ZIC2: variants seen among roughly 807,000 people sequenced by gnomAD.
The protein encoded by ZIC2 is zinc finger protein ZIC 2.
ZIC2 carries 7 observed loss-of-function variants against 29.5 expected under a neutral mutation model. The ratio of observed to expected loss-of-function variants is 0.24; its 90% CI spans 0.14 to 0.45. ZIC2 has a LOEUF of 0.45. Ranked by LOEUF, ZIC2 falls within the 20% of genes least tolerant of loss-of-function variation. The pLI is 1.00. For synonymous variants in ZIC2, 408 were observed against 354.2 expected (o/e 1.15, Z -1.70); for missense variants, 589 against 781.2 (o/e 0.75, Z 2.93).
At chr13:99,984,742 A>G in intron 1 of ZIC2, 1 of 606,134 alleles carries the variant, frequency 1.6e-6, no homozygotes, top group Admixed American at 2.9e-5. Flanking sequence ...AAGAAAGTAA[A>G]ATACGAAATA....
rs1340604924 is a variant in ZIC2, at chr13:99,982,388, C to T, written c.324C>T (p.Tyr108=). 2.0e-6 allele frequency: 3 copies of T among 1,481,100 alleles called. No individual in the cohort carries two copies. The highest frequency in any genetic ancestry group is 5.8e-5 in the East Asian group (2 of 34,292). 91.7% of individuals were successfully genotyped at this position (1,481,100 alleles called of 1,614,324 possible). A position where few individuals can be genotyped will look rare whatever the true frequency, so the allele number is the denominator to read the frequency against. ...LGPHAAHVGS[Y]SGPPFNSTRD... ...CCCACGCCGCGCACGTTGGCTCCTA[C>T]TCTGGGCCGCCCTTCAACTCCACCC... Residue 108 remains tyrosine, a synonymous_variant, in exon 1 of 3, where the codon TAC becomes TAT. Transcript: ENST00000376335.
Position 99,985,646 on chromosome 13 carries a change from C to T in ZIC2, c.1563C>T (p.Ser521=). ...GCAGCGGGACAGCCGGGGGTCACAG[C>T]GGCCTCTCCTCCAACTTCAATGAAT... ...GGGSGTAGGH[S]GLSSNFNEWY... The change falls in exon 3 of 3, where the codon AGC becomes AGT. Residue 521 remains serine (S), a synonymous_variant. Coordinates refer to ENST00000376335, the MANE Select transcript of ZIC2 (RefSeq NM_007129.5). The surrounding 1 kb of genome is among the most constrained non-coding windows in gnomAD (Gnocchi z 6.3). 7.7e-7 allele frequency: 1 copy of T among 1,297,448 alleles called. No individual in the cohort carries two copies. Among genetic ancestry groups the T allele is most frequent in the Non-Finnish European group, 1.0e-6 (1 of 1,001,752 alleles). 80.4% of individuals were successfully genotyped at this position (1,297,448 alleles called of 1,614,324 possible). A position where few individuals can be genotyped will look rare whatever the true frequency, so the allele number is the denominator to read the frequency against.
chr13:99,983,180 A>AC lies in ZIC2; in HGVS notation c.1075+42dup. ...GACAGGGACCAGGCGCGGAGGGGAG[A>AC]CACGCACAGGCTGAGACTCAGGCTG... On this transcript the variant is annotated intron_variant, in intron 1 of 2. Coordinates refer to ENST00000376335, the MANE Select transcript of ZIC2 (RefSeq NM_007129.5). This position sits in a 1 kb window ranked among gnomAD's most constrained non-coding sequence, Gnocchi z 4.7. 6.2e-7 allele frequency: 1 copy of AC among 1,606,504 alleles called. No individual in the cohort carries two copies. Among genetic ancestry groups the AC allele is most frequent in the South Asian group, 1.1e-5 (1 of 90,364 alleles).
Position 99,985,397 on chromosome 13 carries a change from G to A in ZIC2, c.1314G>A (p.Pro438=), listed in dbSNP as rs762579383. The A allele has an allele frequency of 1.1e-5, 17 of 1,596,492 alleles. No homozygotes were observed. Among genetic ancestry groups the A allele is most frequent in the Admixed American group, 1.7e-5 (1 of 59,894 alleles). The change falls in exon 3 of 3, where the codon CCG becomes CCA. Residue 438 remains proline, a synonymous_variant. Coordinates refer to ENST00000376335, the MANE Select transcript of ZIC2 (RefSeq NM_007129.5). This position sits in a 1 kb window ranked among gnomAD's most constrained non-coding sequence, Gnocchi z 6.3. ...ASSGYESSTP[P]GLVSPSAEPQ... ...CCGGCTATGAGTCGTCCACGCCCCC[G>A]GGGCTGGTGTCCCCCAGCGCCGAGC...
Position 99,982,683 on chromosome 13 carries a change from G to A in ZIC2, c.619G>A (p.Ala207Thr), listed in dbSNP as rs578235741. The stretch of plus-strand genomic sequence containing the variant: ...CAGCCCGCGGACCGACCCCTACTCG[G>A]CGGCGCAACTCCACAACCAGTACGG... ...VASPRTDPYS[A>T]AQLHNQYGPM... Residue 207 changes from alanine (A) to threonine (T), a missense_variant, in exon 1 of 3, where the codon GCG (alanine) becomes ACG (threonine). Physicochemically the swap from Ala to Thr is moderately conservative, Grantham distance 58. Around this residue, in one of 7 missense-constraint regions of ZIC2, gnomAD observed 358 missense variants for 382.0 expected, o/e 0.94. Transcript: ENST00000376335. The A allele has an allele frequency of 5.6e-6, 9 of 1,600,490 alleles. No homozygotes were observed. In the East Asian group the frequency reaches 2.0e-4, roughly 36 times the overall value.
In ZIC2 at chr13:99,982,681, C is replaced by T; in HGVS notation, c.617C>T (p.Ser206Leu). The change falls in exon 1 of 3, where the codon TCG (serine) becomes TTG (leucine). Residue 206 changes from serine (S) to leucine (L), a missense_variant. Physicochemically the swap from Ser to Leu is moderately radical, Grantham distance 145. Around this residue, in one of 7 missense-constraint regions of ZIC2, gnomAD observed 358 missense variants for 382.0 expected, o/e 0.94. Coordinates refer to ENST00000376335, the MANE Select transcript of ZIC2 (RefSeq NM_007129.5). ...GCCAGCCCGCGGACCGACCCCTACT[C>T]GGCGGCGCAACTCCACAACCAGTAC... The part of the protein sequence containing the change: ...QVASPRTDPY[S>L]AAQLHNQYGP... 1 of 1,600,432 alleles carries T rather than the reference C, an allele frequency of 6.2e-7. No homozygotes were observed. The highest frequency in any genetic ancestry group is 8.5e-7 in the Non-Finnish European group (1 of 1,179,676).
chr13:99,982,745 A>G lies in ZIC2; in HGVS notation c.681A>G (p.Ala227=). Reference sequence around the variant, plus strand: ...TGAACATGGGTATGAACATGGCAGCAGCCGCGGCCCACCACCACCACCACC... The same window carrying G: ...TGAACATGGGTATGAACATGGCAGCGGCCGCGGCCCACCACCACCACCACC... ...MNMNMGMNMA[A]AAAHHHHHHH... Residue 227 remains alanine, a synonymous_variant, in exon 1 of 3, where the codon GCA becomes GCG. Transcript: ENST00000376335. The G allele has an allele frequency of 6.2e-7, 1 of 1,602,222 alleles. No homozygotes were observed. Among genetic ancestry groups the G allele is most frequent in the Non-Finnish European group, 8.5e-7 (1 of 1,179,842 alleles).
intron 1 of ZIC2, chr13:99,984,699 C>T (rs2053254301): frequency 3.9e-6 from 2 of 517,344 alleles, no homozygotes; most frequent in Non-Finnish European, 7.0e-6. Context: ...CCCCACATTC[C>T]TGAGAAATTT....
chr13:99,982,717 A>G lies in ZIC2; in HGVS notation c.653A>G (p.Asn218Ser). The G allele has an allele frequency of 6.2e-7, 1 of 1,601,216 alleles. No homozygotes were observed. Among genetic ancestry groups the G allele is most frequent in the Non-Finnish European group, 8.5e-7 (1 of 1,179,936 alleles). ...AQLHNQYGPM[N>S]MNMGMNMAAA... ...CTCCACAACCAGTACGGCCCCATGA[A>G]TATGAACATGGGTATGAACATGGCA... Residue 218 changes from asparagine to serine, a missense_variant, in exon 1 of 3, where the codon AAT (asparagine) becomes AGT (serine). Physicochemically the swap from Asn to Ser is conservative, Grantham distance 46. Coordinates refer to ENST00000376335, the MANE Select transcript of ZIC2 (RefSeq NM_007129.5).
In ZIC2 at chr13:99,986,227, T is replaced by A; in HGVS notation, c.*545T>A. 1 of 343,436 alleles carries A rather than the reference T, an allele frequency of 2.9e-6. No homozygotes were observed. Among genetic ancestry groups the A allele is most frequent in the Non-Finnish European group, 5.6e-6 (1 of 177,750 alleles). 21.3% of individuals were successfully genotyped at this position (343,436 alleles called of 1,614,324 possible). A position where few individuals can be genotyped will look rare whatever the true frequency, so the allele number is the denominator to read the frequency against. Reference sequence around the variant, plus strand: ...TTAAGTAATGTGGAAGAAAATGGTTTATTTTGTATTGTGGTATTGAATATT... The same window carrying A: ...TTAAGTAATGTGGAAGAAAATGGTTAATTTTGTATTGTGGTATTGAATATT... On this transcript the variant is annotated 3_prime_UTR_variant, in exon 3 of 3. Transcript: ENST00000376335.
rs765723249 is a variant in ZIC2 at position 99,982,248 on chromosome 13, C to G, written c.184C>G (p.Leu62Val). The change falls in exon 1 of 3, where the codon CTC becomes GTC. Residue 62 changes from leucine (L) to valine (V), a missense_variant. By Grantham distance (32) the Leu-to-Val change is conservative. Transcript: ENST00000376335. ...CGCCGCGCACATGGGAGCCTTCAAGCTCAACCCGGGCGCGCACGAGCTGTC... is the reference window on the plus strand; with the variant it reads ...CGCCGCGCACATGGGAGCCTTCAAGGTCAACCCGGGCGCGCACGAGCTGTC... Reference protein sequence around the residue: ...SAAAHMGAFKLNPGAHELSPG... With the variant: ...SAAAHMGAFKVNPGAHELSPG... 6.6e-7 allele frequency: 1 copy of G among 1,513,638 alleles called. No homozygotes were observed. Among genetic ancestry groups the G allele is most frequent in the Admixed American group, 2.0e-5 (1 of 49,244 alleles). 93.8% of individuals were successfully genotyped at this position (1,513,638 alleles called of 1,614,324 possible). A position where few individuals can be genotyped will look rare whatever the true frequency, so the allele number is the denominator to read the frequency against.
In ZIC2 at chr13:99,982,614, C is replaced by G; in HGVS notation, c.550C>G (p.Pro184Ala). The change falls in exon 1 of 3, where the codon CCC becomes GCC. Residue 184 changes from proline to alanine, a missense_variant. Coordinates refer to ENST00000376335, the MANE Select transcript of ZIC2 (RefSeq NM_007129.5). ...CAACGGGCAGATGCGCCTCGGGCTG[C>G]CCGGCGAGGTGTTCGGGCGCTCGGA... is the stretch of plus-strand genomic sequence containing the variant. ...VLNGQMRLGLPGEVFGRSEQY... is the reference protein window; with the variant it reads ...VLNGQMRLGLAGEVFGRSEQY... 1.9e-6 allele frequency: 3 copies of G among 1,588,652 alleles called. No homozygotes were observed. Among genetic ancestry groups the G allele is most frequent in the Non-Finnish European group, 1.7e-6 (2 of 1,174,260 alleles).
In ZIC2 at chr13:99,983,009, G is replaced by A; in HGVS notation, c.945G>A (p.Lys315=). Residue 315 remains lysine, a synonymous_variant, in exon 1 of 3, where the codon AAG becomes AAA. Coordinates refer to ENST00000376335, the MANE Select transcript of ZIC2 (RefSeq NM_007129.5). The surrounding 1 kb of genome is among the most constrained non-coding windows in gnomAD (Gnocchi z 4.7). ...EECPREGKPF[K]AKYKLVNHIR... ...GTCCGCGCGAGGGCAAGCCCTTCAA[G>A]GCCAAATACAAACTGGTCAACCACA... The A allele has an allele frequency of 1.2e-6, 2 of 1,614,202 alleles. No individual in the cohort carries two copies. Among genetic ancestry groups the A allele is most frequent in the Admixed American group, 1.7e-5 (1 of 60,034 alleles).
In ZIC2 at chr13:99,982,748, C is replaced by G; in HGVS notation, c.684C>G (p.Ala228=). 6.2e-7 allele frequency: 1 copy of G among 1,602,132 alleles called. No individual in the cohort carries two copies. The highest frequency in any genetic ancestry group is 8.5e-7 in the Non-Finnish European group (1 of 1,179,858). ...NMNMGMNMAA[A]AAHHHHHHHH... ...ACATGGGTATGAACATGGCAGCAGC[C>G]GCGGCCCACCACCACCACCACCACC... Residue 228 remains alanine (A), a synonymous_variant, in exon 1 of 3, where the codon GCC becomes GCG. Transcript: ENST00000376335.
At position 99,985,392 on chromosome 13, in the gene ZIC2, C is replaced by T; in HGVS notation, c.1309C>T (p.Pro437Ser). The T allele has an allele frequency of 1.3e-6, 2 of 1,596,796 alleles. No individual in the cohort carries two copies. Among genetic ancestry groups the T allele is most frequent in the Non-Finnish European group, 1.7e-6 (2 of 1,178,816 alleles). ...AASSGYESST[P>S]PGLVSPSAEP... ...CAGCTCCGGCTATGAGTCGTCCACG[C>T]CCCCGGGGCTGGTGTCCCCCAGCGC... Residue 437 changes from proline to serine, a missense_variant, in exon 3 of 3, where the codon CCC becomes TCC. Around this residue, in one of 7 missense-constraint regions of ZIC2, gnomAD observed 135 missense variants for 136.7 expected, o/e 0.99. Coordinates refer to ENST00000376335, the MANE Select transcript of ZIC2 (RefSeq NM_007129.5). This position sits in a 1 kb window ranked among gnomAD's most constrained non-coding sequence, Gnocchi z 6.3.
In ZIC2 at chr13:99,984,882, G is replaced by T; in HGVS notation, c.1076-64G>T. ...CTCGCCGCGGCCCAGCCCCCTCGCAGCCTGAGTGGGGGCTCTGCAGGCTCT... is the reference window on the plus strand; with the variant it reads ...CTCGCCGCGGCCCAGCCCCCTCGCATCCTGAGTGGGGGCTCTGCAGGCTCT... On this transcript the variant is annotated intron_variant, in intron 1 of 2. Transcript: ENST00000376335. 3 of 1,611,740 alleles carry T rather than the reference G, an allele frequency of 1.9e-6. 1 individual carries two copies. The highest frequency in any genetic ancestry group is 8.5e-7 in the Non-Finnish European group (1 of 1,178,712).
Position 99,982,748 on chromosome 13 carries a change from C to A in ZIC2, c.684C>A (p.Ala228=). 5 of 1,602,132 alleles carry A rather than the reference C, an allele frequency of 3.1e-6. No individual in the cohort carries two copies. The highest frequency in any genetic ancestry group is 4.2e-6 in the Non-Finnish European group (5 of 1,179,858). The change falls in exon 1 of 3, where the codon GCC becomes GCA. Residue 228 remains alanine (A), a synonymous_variant. Transcript: ENST00000376335. ...ACATGGGTATGAACATGGCAGCAGC[C>A]GCGGCCCACCACCACCACCACCACC... ...NMNMGMNMAA[A]AAHHHHHHHH... is the part of the protein sequence containing the mutation.
Position 99,983,238 on chromosome 13 carries a change from G to C in ZIC2, c.1075+99G>C. On this transcript the variant is annotated intron_variant, in intron 1 of 2. Transcript: ENST00000376335. This position sits in a 1 kb window ranked among gnomAD's most constrained non-coding sequence, Gnocchi z 4.7. ...CGACGCTGGGCGCAGACCGCCAGCC[G>C]GGGACCTGGGATGGGAGGTGTTTTT... The C allele has an allele frequency of 1.3e-6, 2 of 1,491,298 alleles. No homozygotes were observed. The highest frequency in any genetic ancestry group is 9.0e-7 in the Non-Finnish European group (1 of 1,111,882). The allele number at this position is 1,491,298 out of a possible 1,614,324, so 92.4% of individuals were successfully genotyped here.
rs1034454730 is a variant in ZIC2, at chr13:99,982,002, G to C, written c.-63G>C. On this transcript the variant is annotated 5_prime_UTR_variant, in exon 1 of 3. Coordinates refer to ENST00000376335, the MANE Select transcript of ZIC2 (RefSeq NM_007129.5). Reference sequence around the variant, plus strand: ...GGCCGCCGGACGCACCGCGCGGATCGGGAGCGGGAGTCGAGGCGGCGCGGA... The same window carrying C: ...GGCCGCCGGACGCACCGCGCGGATCCGGAGCGGGAGTCGAGGCGGCGCGGA... 4.0e-5 allele frequency: 48 copies of C among 1,208,108 alleles called. No homozygotes were observed. In the African/African-American group the frequency reaches 7.2e-4, roughly 18 times the overall value. The allele number at this position is 1,208,108 out of a possible 1,614,324, so 74.8% of individuals were successfully genotyped here.
Sources: allele counts gnomAD v4.1 joint callset, GRCh38; gene constraint gnomAD v4.1.1; regional missense constraint gnomAD v4.1.1; non-coding constraint Gnocchi (gnomAD v3.1); transcripts MANE v1.5; gene names NCBI Gene and HGNC (gene_info 2026-07-23, HGNC 2026-07-21).